CCN4: variants seen among roughly 807,000 people sequenced by gnomAD.
CCN4 encodes the protein CCN family member 4.
Under a neutral mutation model 36.7 loss-of-function variants are expected in CCN4, and 30 were observed. The observed-to-expected ratio is 0.82, with a 90% CI of 0.61 to 1.11. The LOEUF is 1.11. CCN4 is among the 50% of genes least tolerant of loss of function. The probability of loss-of-function intolerance (pLI) is 0.00; values close to 1 mark genes in which losing one functional copy is unlikely to be tolerated. For synonymous variants in CCN4, 191 were observed against 195.4 expected (o/e 0.98, Z 0.19); for missense variants, 505 against 504.9 (o/e 1.00, Z 0.00).
At chr8:133,208,618 G>T (rs1420576420) in intron 1 of CCN4, among the ~76,000 whole-genome samples, 1 of 152,148 alleles carries the variant, frequency 6.6e-6, no homozygotes, top group African/African-American at 2.4e-5. Context: ...GCAGGCCCCA[G>T]GCCCTGGCAC....
chr8:133,210,485 A>G (rs1344344010), intron 1 of CCN4, among the ~76,000 whole-genome samples: 1 of 151,892 alleles, frequency 6.6e-6, no homozygotes, highest in Non-Finnish European at 1.5e-5. Context: ...AATATGAACA[A>G]GGGCAGGCTA....
At chr8:133,225,958 G>T (rs1017388390) in intron 4 of CCN4, among the ~76,000 whole-genome samples, 4 of 152,130 alleles carry the variant, frequency 2.6e-5, no homozygotes, top group African/African-American at 7.2e-5. Flanking sequence ...AGCACTAAAT[G>T]AGGCTCAGGA....
chr8:133,201,501 TC>T (rs754987052), intron 1 of CCN4, among the ~76,000 whole-genome samples: 36 of 152,140 alleles, frequency 2.4e-4, no homozygotes, highest in Non-Finnish European at 3.1e-4. Flanking sequence ...CTGGAGAATT[TC>T]AGGTAAAATC....
In CCN4 at chr8:133,230,865, C is replaced by G. The variant is rs1303089552; in HGVS notation, c.*3155C>G. 5 of 152,194 alleles carry G rather than the reference C, an allele frequency of 3.3e-5. No homozygotes were observed. The highest frequency in any genetic ancestry group is 3.3e-4 in the Admixed American group (5 of 15,276). The allele number at this position is 152,194 out of a possible 1,614,324, so 9.4% of individuals were successfully genotyped here. A position where few individuals can be genotyped will look rare whatever the true frequency, so the allele number is the denominator to read the frequency against. ...GCCATATCTCATTTAATCCTCACAGCAAACCTATAGAATATGGCATTATCA... is the reference window on the plus strand; with the variant it reads ...GCCATATCTCATTTAATCCTCACAGGAAACCTATAGAATATGGCATTATCA... On this transcript the variant is annotated 3_prime_UTR_variant, in exon 5 of 5. Transcript: ENST00000250160.
chr8:133,221,604 A>G (rs531652674), intron 3 of CCN4, among the ~76,000 whole-genome samples: 1 of 151,062 alleles, frequency 6.6e-6, no homozygotes, highest in African/African-American at 2.4e-5. Flanking sequence ...TGGATGGATA[A>G]ATGGATGTAT....
chr8:133,219,251 G>T (rs956694737), intron 2 of CCN4, among the ~76,000 whole-genome samples: 1 of 152,074 alleles, frequency 6.6e-6, no homozygotes, highest in African/African-American at 2.4e-5. Context: ...AAGCCTTCTC[G>T]GACCTCCTCT....
intron 1 of CCN4, among the ~76,000 whole-genome samples, chr8:133,196,936 A>C (rs553458528): frequency 6.6e-6 from 1 of 152,186 alleles, no homozygotes; most frequent in Non-Finnish European, 1.5e-5. Context: ...GCTGAGGGGC[A>C]GACTAATGGG....
intron 3 of CCN4, among the ~76,000 whole-genome samples, chr8:133,222,058 A>C (rs1854553915): frequency 6.6e-6 from 1 of 151,664 alleles, no homozygotes; most frequent in African/African-American, 2.4e-5. Context: ...TGTATAAATA[A>C]ATGGATGATT....
At chr8:133,214,656 T>A (rs929520221) in intron 2 of CCN4, among the ~76,000 whole-genome samples, 1 of 152,166 alleles carries the variant, frequency 6.6e-6, no homozygotes, top group African/African-American at 2.4e-5. Context: ...TTCCCTTGAA[T>A]TGTGTAAGCA....
chr8:133,215,986 C>T (rs1854306340), intron 2 of CCN4, among the ~76,000 whole-genome samples: 4 of 114,838 alleles, frequency 3.5e-5, no homozygotes, highest in Non-Finnish European at 5.0e-5. Context: ...CATTACACTA[C>T]ACACACACAC....
intron 4 of CCN4, among the ~76,000 whole-genome samples, chr8:133,225,933 C>T (rs1854718940): frequency 1.3e-5 from 2 of 152,150 alleles, no homozygotes. Context: ...AGCAGCCACA[C>T]TGGGTGATAT....
chr8:133,192,575 T>C (rs967668601), intron 1 of CCN4, among the ~76,000 whole-genome samples: 4 of 152,216 alleles, frequency 2.6e-5, no homozygotes, highest in Admixed American at 6.5e-5. Context: ...TTCTAACCAT[T>C]CCTACTTAGG....
In CCN4 at chr8:133,230,676, T is replaced by C. The variant is rs968384892; in HGVS notation, c.*2966T>C. ...GCTACCCTAAGGGTTAGTTAACCTT[T>C]GCTGAGGAAATTTACATTCATACTT... On this transcript the variant is annotated 3_prime_UTR_variant, in exon 5 of 5. Transcript: ENST00000250160. The C allele has an allele frequency of 2.0e-5, 3 of 152,256 alleles. No individual in the cohort carries two copies. Among genetic ancestry groups the C allele is most frequent in the Non-Finnish European group, 2.9e-5 (2 of 68,048 alleles). The allele number at this position is 152,256 out of a possible 1,614,324, so 9.4% of individuals were successfully genotyped here.
At chr8:133,201,389 G>T (rs573375069) in intron 1 of CCN4, among the ~76,000 whole-genome samples, 1 of 152,252 alleles carries the variant, frequency 6.6e-6, no homozygotes, top group Non-Finnish European at 1.5e-5. Flanking sequence ...TGTGGACTGG[G>T]TATTAACTAG....
intron 2 of CCN4, among the ~76,000 whole-genome samples, chr8:133,214,830 C>T (rs979796019): frequency 6.6e-6 from 1 of 152,188 alleles, no homozygotes; most frequent in African/African-American, 2.4e-5. Context: ...CATATACACC[C>T]CGTCACATAG....
chr8:133,222,869 G>A (rs1295615686), intron 3 of CCN4, among the ~76,000 whole-genome samples: 2 of 151,670 alleles, frequency 1.3e-5, no homozygotes, highest in Non-Finnish European at 2.9e-5. Flanking sequence ...TCTCAAGCTC[G>A]GCACTGTCAA....
At chr8:133,203,188 C>A (rs943602604) in intron 1 of CCN4, among the ~76,000 whole-genome samples, 2 of 152,214 alleles carry the variant, frequency 1.3e-5, no homozygotes, top group African/African-American at 4.8e-5. Flanking sequence ...GTGCCGGGCA[C>A]CCAGGAGGCG....
At chr8:133,206,153 C>A (rs533333311) in intron 1 of CCN4, among the ~76,000 whole-genome samples, 2 of 152,158 alleles carry the variant, frequency 1.3e-5, no homozygotes, top group Non-Finnish European at 2.9e-5. Flanking sequence ...ACAGCTCTGA[C>A]CCAGAGGCGC....
intron 3 of CCN4, among the ~76,000 whole-genome samples, chr8:133,222,376 C>G (rs1421014990): frequency 6.7e-6 from 1 of 149,836 alleles, no homozygotes; most frequent in Non-Finnish European, 1.5e-5. Flanking sequence ...CACATTTGGG[C>G]CAAGGGAGAT....
Sources: gnomAD v4.1 joint callset for allele counts (sites outside exome capture counted in the v4.1 genomes callset) on GRCh38, gnomAD v4.1.1 for gene constraint, MANE v1.5 for transcripts, NCBI Gene and HGNC (gene_info 2026-07-23, HGNC 2026-07-21) for gene names.